SSH2: variants seen among roughly 807,000 people sequenced by gnomAD.
SSH2 encodes slingshot protein phosphatase 2.
In SSH2, 37 loss-of-function variants were observed where a neutral mutation model predicts 135.2. That is an observed-to-expected ratio of 0.27 (90% CI 0.21 to 0.36). The LOEUF (loss-of-function observed/expected upper bound fraction) is 0.36, where lower values mean the gene tolerates loss of function less well. SSH2 is among the 10% of genes least tolerant of loss of function. The pLI is 1.00. For missense variants in SSH2, 1,408 were observed against 1,765.3 expected, an observed-to-expected ratio of 0.80 and a Z score of 3.63; for synonymous variants, 628 against 646.2, an observed-to-expected ratio of 0.97 and a Z score of 0.43.
At chr17:29,634,585 G>A (rs2035817569) in intron 15 of SSH2, among the ~76,000 whole-genome samples, 1 of 152,008 alleles carries the variant, frequency 6.6e-6, no homozygotes, top group Non-Finnish European at 1.5e-5. Context: ...ACGGAGTCTC[G>A]CTCTGTTGCC....
At chr17:29,676,453 A>C (rs1195282428) in intron 8 of SSH2, 1 of 167,144 alleles carries the variant, frequency 6.0e-6, no homozygotes, top group African/African-American at 2.4e-5. Flanking sequence ...AAAAAAGAAA[A>C]AAAAGAAATA....
At chr17:29,684,756 C>T in intron 5 of SSH2, 72 bp from the exon 6 acceptor site, 9 of 1,459,920 alleles carry the variant, frequency 6.2e-6, no homozygotes, top group Non-Finnish European at 8.4e-6. Context: ...AACCCTTTTT[C>T]ATCAGCATCT....
chr17:29,898,318 TC>T (rs1270902832), intron 1 of SSH2, among the ~76,000 whole-genome samples: 1 of 151,870 alleles, frequency 6.6e-6, no homozygotes, highest in African/African-American at 2.4e-5. Context: ...AAAAAACCCT[TC>T]AAAAAATCAA....
chr17:29,680,758 G>A (rs908728254), intron 6 of SSH2, among the ~76,000 whole-genome samples: 7 of 151,904 alleles, frequency 4.6e-5, no homozygotes, highest in African/African-American at 1.7e-4. Flanking sequence ...TTTTGAAAAC[G>A]GCTTCCCAAG....
intron 3 of SSH2, among the ~76,000 whole-genome samples, chr17:29,735,897 G>C (rs2040347527): frequency 6.6e-6 from 1 of 151,760 alleles, no homozygotes; most frequent in Non-Finnish European, 1.5e-5. Context: ...AGAAGTTCGA[G>C]ACCAGCTTGG....
chr17:29,724,581 C>CT (rs560435177), intron 3 of SSH2, among the ~76,000 whole-genome samples: 2,454 of 76,532 alleles, frequency 0.032, 57 homozygotes, highest in Non-Finnish European at 0.041. Context: ...ATTACCAAAT[C>CT]TTTTTTTTTT....
intron 1 of SSH2, among the ~76,000 whole-genome samples, chr17:29,894,776 A>T (rs2066412637): frequency 6.6e-6 from 1 of 151,894 alleles, no homozygotes. Context: ...TAGATGCCTA[A>T]ATCTGGAACA....
At chr17:29,841,947 T>C (rs1415661947) in intron 2 of SSH2, among the ~76,000 whole-genome samples, 4 of 136,716 alleles carry the variant, frequency 2.9e-5, no homozygotes, top group Non-Finnish European at 6.1e-5. Context: ...TTGCCCAGGC[T>C]GGTCTTGAAT....
chr17:29,745,211 G>C (rs886424450), intron 3 of SSH2, among the ~76,000 whole-genome samples: 1 of 151,208 alleles, frequency 6.6e-6, no homozygotes, highest in African/African-American at 2.4e-5. Context: ...CTAGGCTGGA[G>C]TGCAGTGGCA....
At position 29,767,427 on chromosome 17, in the gene SSH2, GT is replaced by G. The variant is rs1030569030; in HGVS notation, c.188+26466del. ...ATGAAACATTTTATTTTTTAAACTA[GT>G]TTTTTTTTTAAATAACATTAACACA... On this transcript the variant is annotated intron_variant, in intron 3 of 15. Coordinates refer to ENST00000540801, the MANE Select transcript of SSH2 (RefSeq NM_001282129.2). Among the ~76,000 whole-genome samples the G allele has an allele frequency of 1.6e-3, 220 of 138,066 alleles. 1 individual carries two copies. The highest frequency in any genetic ancestry group is 3.7e-3 in the African/African-American group (138 of 37,044). The allele number at this position is 138,066 out of a possible 152,430, so 90.6% of individuals were successfully genotyped here.
intron 4 of SSH2, among the ~76,000 whole-genome samples, chr17:29,701,942 G>T (rs984319546): frequency 7.1e-6 from 1 of 141,052 alleles, no homozygotes; most frequent in Non-Finnish European, 1.5e-5. Context: ...TGCCCAGGCC[G>T]GTCTCAAAGT....
intron 3 of SSH2, among the ~76,000 whole-genome samples, chr17:29,727,665 T>C (rs1324029952): frequency 6.6e-6 from 1 of 152,222 alleles, no homozygotes; most frequent in African/African-American, 2.4e-5. Context: ...CTTACCTCTC[T>C]TCTATAAATG....
chr17:29,884,258 G>C (rs1158961182), intron 1 of SSH2, among the ~76,000 whole-genome samples: 2 of 152,086 alleles, frequency 1.3e-5, no homozygotes, highest in Non-Finnish European at 2.9e-5. Context: ...TTGTATTATC[G>C]AATTTCTCAG....
rs1305893627 is a variant in SSH2, at chr17:29,651,863, C to T, written c.1080-1063G>A. Among the ~76,000 whole-genome samples, 6 of 152,140 alleles carry T rather than the reference C, an allele frequency of 3.9e-5. No homozygotes were observed. In the East Asian group the frequency reaches 7.7e-4, roughly 20 times the overall value. Reference sequence around the variant, plus strand: ...TATTTAATTTAAAAAGCGAGCTTGGCCAGGCGCAGTGGCTCACGCCTGTAA... The same window carrying T: ...TATTTAATTTAAAAAGCGAGCTTGGTCAGGCGCAGTGGCTCACGCCTGTAA... On this transcript the variant is annotated intron_variant, in intron 12 of 15. Coordinates refer to ENST00000540801, the MANE Select transcript of SSH2 (RefSeq NM_001282129.2).
At chr17:29,666,821 T>C (rs2037299059) in intron 11 of SSH2, 46 bp downstream of exon 11, 1 of 1,583,018 alleles carries the variant, frequency 6.3e-7, no homozygotes, top group African/African-American at 1.3e-5. Context: ...CATGAGTCCA[T>C]ATGGGCTAGC....
intron 3 of SSH2, among the ~76,000 whole-genome samples, chr17:29,765,557 C>A (rs2041423142): frequency 6.6e-6 from 1 of 152,122 alleles, no homozygotes; most frequent in Non-Finnish European, 1.5e-5. Context: ...CTCTTTTCCA[C>A]AAATCTGAAA....
intron 3 of SSH2, among the ~76,000 whole-genome samples, chr17:29,759,957 G>T (rs1322769811): frequency 1.3e-5 from 2 of 152,138 alleles, no homozygotes; most frequent in East Asian, 3.8e-4. Context: ...GACGGAAAAT[G>T]CAAGTCAGTT....
At chr17:29,741,032 T>C (rs1237691327) in intron 3 of SSH2, among the ~76,000 whole-genome samples, 2 of 152,212 alleles carry the variant, frequency 1.3e-5, no homozygotes, top group Non-Finnish European at 2.9e-5. Context: ...TGTACTATTA[T>C]TTCATCTTTC....
chr17:29,832,146 A>G (rs1212757639), intron 2 of SSH2, among the ~76,000 whole-genome samples: 1 of 152,136 alleles, frequency 6.6e-6, no homozygotes, highest in African/African-American at 2.4e-5. Context: ...GATAAAAGCT[A>G]TCTTCTGTTT....
Sources: allele counts gnomAD v4.1 joint callset (sites outside exome capture counted in the v4.1 genomes callset), GRCh38; gene constraint gnomAD v4.1.1; transcripts MANE v1.5; gene names NCBI Gene and HGNC (gene_info 2026-07-23, HGNC 2026-07-21).